Variants in CACNB4 observed in about 807,000 individuals in gnomAD.
The protein encoded by CACNB4 is calcium voltage-gated channel auxiliary subunit beta 4.
Under a neutral mutation model 71.2 loss-of-function variants are expected in CACNB4, and 32 were observed. The observed-to-expected ratio is 0.45, with a 90% CI of 0.34 to 0.60. The LOEUF is 0.60. CACNB4 is among the 20% of genes least tolerant of loss of function. The pLI is 0.01. For missense variants in CACNB4, 464 were observed against 647.9 expected, an observed-to-expected ratio of 0.72 and a Z score of 3.08; for synonymous variants, 231 against 236.9, an observed-to-expected ratio of 0.97 and a Z score of 0.23.
intron 2 of CACNB4, among the ~76,000 whole-genome samples, chr2:151,906,105 A>G (rs1411429728): frequency 6.6e-6 from 1 of 152,226 alleles, no homozygotes; most frequent in African/African-American, 2.4e-5. Context: ...CAATGAAACC[A>G]GAATGTAAAA....
chr2:152,058,841 G>T (rs963548846), intron 2 of CACNB4, among the ~76,000 whole-genome samples: 5 of 152,254 alleles, frequency 3.3e-5, no homozygotes, highest in Non-Finnish European at 7.3e-5. Flanking sequence ...CAGAGGCCTA[G>T]GAGGGAAAAA....
chr2:151,888,132 G>A (rs560397249), intron 2 of CACNB4, among the ~76,000 whole-genome samples: 15 of 152,114 alleles, frequency 9.9e-5, no homozygotes, highest in South Asian at 4.1e-4. Flanking sequence ...TTCCCAGCTC[G>A]GGACTAGGCA....
At chr2:151,973,404 C>T (rs1197204117) in intron 2 of CACNB4, 2 of 478,530 alleles carry the variant, frequency 4.2e-6, no homozygotes, top group Non-Finnish European at 7.5e-6. Context: ...AACGTGGACC[C>T]GGTAATGTAT....
In CACNB4 at chr2:152,035,590, TC is replaced by T. The variant is rs1365122987; in HGVS notation, c.147+62739del. ...CTCTTTCTCTCTCTCTCTCTCTCCC[TC>T]TCTCTCTCTCTTTCTCTCTCTCTCT... On this transcript the variant is annotated intron_variant, in intron 2 of 13. Coordinates refer to ENST00000539935, the MANE Select transcript of CACNB4 (RefSeq NM_000726.5). Among the ~76,000 whole-genome samples, 16 of 143,254 alleles carry T rather than the reference TC, an allele frequency of 1.1e-4. No individual in the cohort carries two copies. In the East Asian group the frequency reaches 3.0e-3, roughly 27 times the overall value. The allele number at this position is 143,254 out of a possible 152,430, so 94.0% of individuals were successfully genotyped here. A position where few individuals can be genotyped will look rare whatever the true frequency, so the allele number is the denominator to read the frequency against.
intron 2 of CACNB4, among the ~76,000 whole-genome samples, chr2:151,982,306 A>G (rs1012456526): frequency 3.3e-5 from 5 of 152,146 alleles, no homozygotes; most frequent in African/African-American, 7.2e-5. Context: ...AGTGAAAGTC[A>G]TGTGTCCAAC....
At chr2:152,031,344 A>T (rs1446116662) in intron 2 of CACNB4, among the ~76,000 whole-genome samples, 1 of 152,214 alleles carries the variant, frequency 6.6e-6, no homozygotes, top group African/African-American at 2.4e-5. Flanking sequence ...GTAAATCAAG[A>T]TTTAAATTGC....
At chr2:152,054,472 C>T (rs568748512) in intron 2 of CACNB4, among the ~76,000 whole-genome samples, 35 of 151,724 alleles carry the variant, frequency 2.3e-4, no homozygotes, top group African/African-American at 8.5e-4. Flanking sequence ...CTTATCCACT[C>T]ATCAACTGAT....
intron 2 of CACNB4, chr2:151,970,206 T>TG (rs1272917757): frequency 6.6e-6 from 1 of 152,196 alleles, no homozygotes; most frequent in Non-Finnish European, 1.5e-5. Flanking sequence ...AGTCCTAGTA[T>TG]GCTCAACATT....
intron 2 of CACNB4, among the ~76,000 whole-genome samples, chr2:151,982,740 A>G (rs939609227): frequency 3.9e-5 from 6 of 152,208 alleles, no homozygotes; most frequent in Non-Finnish European, 8.8e-5. Flanking sequence ...TAGGGAAGAA[A>G]AGTTAATAGG....
intron 2 of CACNB4, among the ~76,000 whole-genome samples, chr2:151,926,156 T>G (rs915819543): frequency 6.6e-6 from 1 of 152,080 alleles, no homozygotes; most frequent in African/African-American, 2.4e-5. Flanking sequence ...GAGAAGACAT[T>G]GAAGGACTGA....
At chr2:152,034,568 C>T (rs1363266919) in intron 2 of CACNB4, among the ~76,000 whole-genome samples, 2 of 152,218 alleles carry the variant, frequency 1.3e-5, no homozygotes, top group Non-Finnish European at 2.9e-5. Flanking sequence ...AATCCCCCAT[C>T]ATGAAAAGCA....
At chr2:151,898,568 G>T (rs1406794899) in intron 2 of CACNB4, among the ~76,000 whole-genome samples, 1 of 152,120 alleles carries the variant, frequency 6.6e-6, no homozygotes, top group Non-Finnish European at 1.5e-5. Context: ...CCCTTTTGTT[G>T]TTTCAACGAG....
chr2:152,018,283 G>C (rs565477493), intron 2 of CACNB4, among the ~76,000 whole-genome samples: 1 of 152,118 alleles, frequency 6.6e-6, no homozygotes, highest in Non-Finnish European at 1.5e-5. Context: ...AGAAAAGGGA[G>C]GGAGGAGGCA....
rs1433944430 is a variant in CACNB4, at chr2:151,875,247, C to T, written c.521+1179G>A. Among the ~76,000 whole-genome samples, 1,260 of 147,414 alleles carry T rather than the reference C, an allele frequency of 8.5e-3. 19 individuals are homozygous for T. Among genetic ancestry groups the T allele is most frequent in the African/African-American group, 0.03 (1,184 of 39,504 alleles). On this transcript the variant is annotated intron_variant, in intron 5 of 13. Transcript: ENST00000539935. ...CTGTTTAACAAAGCACATCTTGCAC[C>T]GCCCTTAATCCATTTAACCCTGAGT...
At position 151,837,761 on chromosome 2, in the gene CACNB4, A is replaced by G. The variant is rs2099835206; in HGVS notation, c.*1358T>C. On this transcript the variant is annotated 3_prime_UTR_variant, in exon 14 of 14. Transcript: ENST00000539935. ...CCACTGGAAAAACTGTGAAGACTTAATAAGATGAAGAGGAGTGTTCATTAG... is the reference window on the plus strand; with the variant it reads ...CCACTGGAAAAACTGTGAAGACTTAGTAAGATGAAGAGGAGTGTTCATTAG... 1 of 152,112 alleles carries G rather than the reference A, an allele frequency of 6.6e-6. No homozygotes were observed. The highest frequency in any genetic ancestry group is 2.4e-5 in the African/African-American group (1 of 41,430). 9.4% of individuals were successfully genotyped at this position (152,112 alleles called of 1,614,324 possible).
chr2:152,065,742 C>A (rs184895852), intron 2 of CACNB4, among the ~76,000 whole-genome samples: 1 of 152,196 alleles, frequency 6.6e-6, no homozygotes, highest in East Asian at 1.9e-4. Flanking sequence ...AGCCTAAAAT[C>A]TTTATGTAAG....
chr2:152,062,031 T>G (rs1686046533), intron 2 of CACNB4, among the ~76,000 whole-genome samples: 1 of 147,958 alleles, frequency 6.8e-6, no homozygotes, highest in Non-Finnish European at 1.5e-5. Context: ...ATAATAATAA[T>G]AATAATAATA....
rs1273659891 is a variant in CACNB4 at position 151,870,823 on chromosome 2, A to C, written c.618+19T>G. On this transcript the variant is annotated intron_variant, in intron 7 of 13. Transcript: ENST00000539935. Reference sequence around the variant, plus strand: ...TATAGGAACCTTAACAGTAGATTTAAAAAGGAAACACAACTTACCACTTTT... The same window carrying C: ...TATAGGAACCTTAACAGTAGATTTACAAAGGAAACACAACTTACCACTTTT... The C allele has an allele frequency of 6.3e-6, 10 of 1,593,678 alleles. No individual in the cohort carries two copies. The highest frequency in any genetic ancestry group is 8.6e-6 in the Non-Finnish European group (10 of 1,165,182).
chr2:151,973,653 C>G (rs749123565), intron 2 of CACNB4: 1 of 1,611,644 alleles, frequency 6.2e-7, no homozygotes, highest in Admixed American at 1.7e-5. Flanking sequence ...AATTAGCTAT[C>G]TATGAAAATA....
Sources: allele counts gnomAD v4.1 joint callset (sites outside exome capture counted in the v4.1 genomes callset), GRCh38; gene constraint gnomAD v4.1.1; transcripts MANE v1.5; gene names NCBI Gene and HGNC (gene_info 2026-07-23, HGNC 2026-07-21).